Variants in COL23A1 observed in about 807,000 individuals in gnomAD.
COL23A1 encodes the protein collagen alpha-1(XXIII) chain.
In COL23A1, 97 loss-of-function variants were observed where a neutral mutation model predicts 99.3. That is an observed-to-expected ratio of 0.98 (90% CI 0.83 to 1.16). The LOEUF is 1.16. Ranked by LOEUF, COL23A1 falls within the 50% of genes most tolerant of loss-of-function variation. The probability of loss-of-function intolerance (pLI) is 0.00; values close to 1 mark genes in which losing one functional copy is unlikely to be tolerated. For synonymous variants in COL23A1, 320 were observed against 308.2 expected (o/e 1.04, Z -0.40); for missense variants, 762 against 757.4 (o/e 1.01, Z -0.07).
At chr5:178,478,545 C>T (rs559704629) in intron 2 of COL23A1, among the ~76,000 whole-genome samples, 23 of 152,308 alleles carry the variant, frequency 1.5e-4, no homozygotes, top group African/African-American at 5.5e-4. Context: ...GCACTGAGGC[C>T]CACAGTCCGG....
intron 2 of COL23A1, among the ~76,000 whole-genome samples, chr5:178,552,669 G>C (rs1409152233): frequency 6.7e-6 from 1 of 149,678 alleles, no homozygotes; most frequent in African/African-American, 2.5e-5. Context: ...AGACCTGCCT[G>C]GGCAAAAAAG....
chr5:178,282,872 T>TC (rs1270675704), intron 5 of COL23A1, among the ~76,000 whole-genome samples: 1 of 149,342 alleles, frequency 6.7e-6, no homozygotes, highest in Non-Finnish European at 1.5e-5. Flanking sequence ...TTTTCTTTTT[T>TC]CTTTTTTTTT....
At chr5:178,250,001 A>ACG in intron 18 of COL23A1, 60 bp downstream of exon 18, 1 of 1,576,790 alleles carries the variant, frequency 6.3e-7, no homozygotes, top group South Asian at 1.1e-5. Flanking sequence ...ACACACACAC[A>ACG]CACACACAGA....
chr5:178,243,344 C>G (rs903814298), intron 25 of COL23A1, among the ~76,000 whole-genome samples: 1 of 150,870 alleles, frequency 6.6e-6, no homozygotes, highest in Non-Finnish European at 1.5e-5. Context: ...AAAAATTAGC[C>G]GTCCTAGCAG....
intron 2 of COL23A1, among the ~76,000 whole-genome samples, chr5:178,411,666 T>C (rs1206243145): frequency 2.6e-5 from 4 of 152,228 alleles, no homozygotes; most frequent in African/African-American, 7.2e-5. Flanking sequence ...TCAATGGGTA[T>C]AGGTTCTTTT....
chr5:178,269,404 CA>C, intron 6 of COL23A1, among the ~76,000 whole-genome samples: 5 of 123,674 alleles, frequency 4.0e-5, no homozygotes, highest in Non-Finnish European at 8.9e-5. Flanking sequence ...CCCATCCATC[CA>C]ACCATCCATC....
rs150199782 is a variant in COL23A1 at position 178,486,886 on chromosome 5, C to T, written c.361+73796G>A. Among the ~76,000 whole-genome samples the T allele has an allele frequency of 4.6e-5, 7 of 152,284 alleles. No individual in the cohort carries two copies. In the East Asian group the frequency reaches 1.3e-3, roughly 29 times the overall value. ...GCGTTTCACACCCTGAGTGGGGAAA[C>T]GAAGGAAACTGACGGGGGTGCTGAA... On this transcript the variant is annotated intron_variant, in intron 2 of 28. Coordinates refer to ENST00000390654, the MANE Select transcript of COL23A1 (RefSeq NM_173465.4).
chr5:178,418,376 T>C (rs1211684780), intron 2 of COL23A1, among the ~76,000 whole-genome samples: 4 of 152,236 alleles, frequency 2.6e-5, no homozygotes, highest in Admixed American at 2.0e-4. Flanking sequence ...TTGAAGTTCC[T>C]CCATGCAGTG....
intron 2 of COL23A1, among the ~76,000 whole-genome samples, chr5:178,323,747 G>A (rs1035227513): frequency 6.6e-6 from 1 of 152,168 alleles, no homozygotes; most frequent in Non-Finnish European, 1.5e-5. Context: ...CAGGGAGCAG[G>A]GAGGTGGCTC....
At chr5:178,402,632 G>C (rs1764510750) in intron 2 of COL23A1, among the ~76,000 whole-genome samples, 1 of 152,100 alleles carries the variant, frequency 6.6e-6, no homozygotes, top group African/African-American at 2.4e-5. Flanking sequence ...CATGCCTGTA[G>C]TCGCAGCTAC....
chr5:178,274,352 G>A (rs1359729823), intron 5 of COL23A1, among the ~76,000 whole-genome samples: 4 of 152,346 alleles, frequency 2.6e-5, no homozygotes, highest in East Asian at 1.9e-4. Flanking sequence ...GAGGACAAGC[G>A]CCTCAGGGAA....
intron 2 of COL23A1, among the ~76,000 whole-genome samples, chr5:178,451,654 C>CT (rs1451984123): frequency 2.8e-5 from 1 of 36,088 alleles, no homozygotes; most frequent in Non-Finnish European, 4.5e-5. Flanking sequence ...GAAACTCCAT[C>CT]TCAAAAAAAA....
intron 2 of COL23A1, among the ~76,000 whole-genome samples, chr5:178,351,625 G>A (rs1208356789): frequency 6.6e-6 from 1 of 152,138 alleles, no homozygotes; most frequent in African/African-American, 2.4e-5. Flanking sequence ...AGCGCAGGCC[G>A]GGGCAAGGTT....
intron 2 of COL23A1, among the ~76,000 whole-genome samples, chr5:178,498,233 T>TA (rs1382165480): frequency 1.8e-5 from 1 of 54,462 alleles, no homozygotes; most frequent in Non-Finnish European, 3.0e-5. Context: ...TATATATATA[T>TA]ATATATATAT....
At chr5:178,427,711 A>C (rs1206449887) in intron 2 of COL23A1, among the ~76,000 whole-genome samples, 1 of 152,216 alleles carries the variant, frequency 6.6e-6, no homozygotes, top group Non-Finnish European at 1.5e-5. Context: ...CTATCTGAAA[A>C]GGCCACATGC....
At chr5:178,550,443 T>A (rs1761938937) in intron 2 of COL23A1, among the ~76,000 whole-genome samples, 1 of 152,152 alleles carries the variant, frequency 6.6e-6, no homozygotes, top group Non-Finnish European at 1.5e-5. Flanking sequence ...CAACTACAAA[T>A]GTCTCCAAAT....
chr5:178,563,651 C>T (rs2113598978), intron 1 of COL23A1, among the ~76,000 whole-genome samples: 1 of 150,790 alleles, frequency 6.6e-6, no homozygotes, highest in Non-Finnish European at 1.5e-5. Context: ...CCCACTTCAG[C>T]CTCCTGAGTA....
rs141833847 is a variant in COL23A1, at chr5:178,574,736, A to C, written c.295-13988T>G. Among the ~76,000 whole-genome samples the C allele has an allele frequency of 2.0e-3, 310 of 152,172 alleles. 2 individuals carry two copies. The highest frequency in any genetic ancestry group is 6.8e-3 in the Middle Eastern group (2 of 294). On this transcript the variant is annotated intron_variant, in intron 1 of 28. Transcript: ENST00000390654. ...TTTGCAGTGTCAAGAAACGTAAGACAATCTATGTTGTCTTTCCCACTTCAT... is the reference window on the plus strand; with the variant it reads ...TTTGCAGTGTCAAGAAACGTAAGACCATCTATGTTGTCTTTCCCACTTCAT...
chr5:178,578,635 ACC>A (rs940153277), intron 1 of COL23A1, among the ~76,000 whole-genome samples: 1 of 152,086 alleles, frequency 6.6e-6, no homozygotes, highest in Non-Finnish European at 1.5e-5. Flanking sequence ...AGTTGCCATT[ACC>A]CATTTGCAAG....
Sources: allele counts gnomAD v4.1 joint callset (sites outside exome capture counted in the v4.1 genomes callset), GRCh38; gene constraint gnomAD v4.1.1; transcripts MANE v1.5; gene names NCBI Gene and HGNC (gene_info 2026-07-23, HGNC 2026-07-21).